Variants in LHX4 observed in about 807,000 individuals in gnomAD.
LHX4 encodes LIM homeobox 4.
LHX4 carries 16 observed loss-of-function variants against 39.2 expected under a neutral mutation model. The ratio of observed to expected loss-of-function variants is 0.41; its 90% CI spans 0.28 to 0.62. The LOEUF (loss-of-function observed/expected upper bound fraction) is 0.62. Among genes scored for constraint, LHX4 ranks in the 20% least tolerant of loss-of-function variants. LHX4 has a pLI of 0.33. For synonymous variants in LHX4, 206 were observed against 198.1 expected (o/e 1.04, Z -0.33); for missense variants, 439 against 511.9 (o/e 0.86, Z 1.37).
intron 3 of LHX4, among the ~76,000 whole-genome samples, chr1:180,267,446 A>G (rs1218440229): frequency 1.3e-5 from 2 of 152,228 alleles, no homozygotes; most frequent in South Asian, 2.1e-4. Context: ...AGCCCAGAAC[A>G]ACACATTCCC....
chr1:180,248,384 A>G lies in LHX4; in HGVS notation c.176A>G (p.Asp59Gly). The change falls in exon 2 of 6, where the codon GAC becomes GGC. Residue 59 changes from aspartate (D) to glycine (G), a missense_variant. Physicochemically the swap from Asp to Gly is moderately conservative, Grantham distance 94. Coordinates refer to ENST00000263726, the MANE Select transcript of LHX4 (RefSeq NM_033343.4). ...HWHSSCLKCA[D>G]CQMQLADRCF... is the part of the protein sequence containing the mutation. ...CACAGCTCCTGCCTCAAGTGTGCAG[A>G]CTGCCAGATGCAGCTGGCGGACAGG... 6.2e-7 allele frequency: 1 copy of G among 1,614,226 alleles called. No individual in the cohort carries two copies. Among genetic ancestry groups the G allele is most frequent in the Non-Finnish European group, 8.5e-7 (1 of 1,180,022 alleles).
rs1375893199 is a variant in LHX4 at position 180,275,233 on chromosome 1, A to G, written c.*654A>G. ...GTTTTGGTTTTTAAGTGTCCCATCT[A>G]TATCATTGACTCTGATGGCAAGAGG... is the stretch of plus-strand genomic sequence containing the variant. On this transcript the variant is annotated 3_prime_UTR_variant, in exon 6 of 6. Transcript: ENST00000263726. 1.3e-5 allele frequency: 2 copies of G among 152,184 alleles called. No individual in the cohort carries two copies. Among genetic ancestry groups the G allele is most frequent in the Non-Finnish European group, 2.9e-5 (2 of 68,052 alleles). 9.4% of individuals were successfully genotyped at this position (152,184 alleles called of 1,614,324 possible). A position where few individuals can be genotyped will look rare whatever the true frequency, so the allele number is the denominator to read the frequency against.
At chr1:180,264,194 C>T (rs1408787191) in intron 2 of LHX4, among the ~76,000 whole-genome samples, 1 of 152,152 alleles carries the variant, frequency 6.6e-6, no homozygotes, top group Admixed American at 6.5e-5. Context: ...TCAAGTGATC[C>T]TCCTGCCTCA....
Position 180,232,588 on chromosome 1 carries a change from T to C in LHX4, c.76+1983T>C, listed in dbSNP as rs1365495774. ...CTAGAGGGGGTGGTCAGTCCTCCCTTTGTCCGAGTTTCGTGACCTTGGTTG... is the reference window on the plus strand; with the variant it reads ...CTAGAGGGGGTGGTCAGTCCTCCCTCTGTCCGAGTTTCGTGACCTTGGTTG... On this transcript the variant is annotated intron_variant, in intron 1 of 5. Coordinates refer to ENST00000263726, the MANE Select transcript of LHX4 (RefSeq NM_033343.4). This position sits in a 1 kb window ranked among gnomAD's most constrained non-coding sequence, Gnocchi z 5.4. 6.6e-6 allele frequency among the ~76,000 whole-genome samples: 1 copy of C among 152,176 alleles called. No individual in the cohort carries two copies. The highest frequency in any genetic ancestry group is 1.5e-5 in the Non-Finnish European group (1 of 68,028).
chr1:180,233,827 C>T (rs1392775641), intron 1 of LHX4, among the ~76,000 whole-genome samples: 2 of 152,020 alleles, frequency 1.3e-5, no homozygotes, highest in Non-Finnish European at 2.9e-5. Context: ...TGTCCCCCTC[C>T]TTGTCTCCTA....
At chr1:180,241,173 G>C (rs1021015449) in intron 1 of LHX4, among the ~76,000 whole-genome samples, 2 of 152,214 alleles carry the variant, frequency 1.3e-5, no homozygotes, top group Admixed American at 1.3e-4. Context: ...GAGAGACCAA[G>C]ATTTGGCAAC....
rs1649071407 is a variant in LHX4, at chr1:180,276,915, C to CTAAT, written c.*2338_*2341dup. The CTAAT allele has an allele frequency of 1.3e-5, 2 of 152,100 alleles. No individual in the cohort carries two copies. Among genetic ancestry groups the CTAAT allele is most frequent in the African/African-American group, 2.4e-5 (1 of 41,394 alleles). The allele number at this position is 152,100 out of a possible 1,614,324, so 9.4% of individuals were successfully genotyped here. A position where few individuals can be genotyped will look rare whatever the true frequency, so the allele number is the denominator to read the frequency against. On this transcript the variant is annotated 3_prime_UTR_variant, in exon 6 of 6. Coordinates refer to ENST00000263726, the MANE Select transcript of LHX4 (RefSeq NM_033343.4). ...GACCAGTTTTTGTAAGTTAATCATACTAATTCCCAGTTCAATAGTGGAAGG... is the reference window on the plus strand; with the variant it reads ...GACCAGTTTTTGTAAGTTAATCATACTAATTAATTCCCAGTTCAATAGTGGAAGG...
intron 1 of LHX4, among the ~76,000 whole-genome samples, chr1:180,246,548 T>TA (rs1647387785): frequency 6.6e-6 from 1 of 152,024 alleles, no homozygotes; most frequent in Non-Finnish European, 1.5e-5. Context: ...CCATCTCTAC[T>TA]AAAAATACAA....
In LHX4 at chr1:180,274,849, C is replaced by T; in HGVS notation, c.*270C>T. On this transcript the variant is annotated 3_prime_UTR_variant, in exon 6 of 6. Transcript: ENST00000263726. ...GGACACTGGCTTGTTGGGTCTCTCC[C>T]CTGCTGTTCTGCTTAGGGGCTTGGC... 2.6e-6 allele frequency: 1 copy of T among 385,656 alleles called. No individual in the cohort carries two copies. The highest frequency in any genetic ancestry group is 4.7e-6 in the Non-Finnish European group (1 of 214,106). 23.9% of individuals were successfully genotyped at this position (385,656 alleles called of 1,614,324 possible).
intron 2 of LHX4, among the ~76,000 whole-genome samples, chr1:180,260,520 A>G (rs1648071675): frequency 6.6e-6 from 1 of 151,788 alleles, no homozygotes; most frequent in African/African-American, 2.4e-5. Flanking sequence ...GCTCAGGTGC[A>G]GAGGCTGGGA....
rs1042822283 is a variant in LHX4 at position 180,230,351 on chromosome 1, C to G, written c.-179C>G. The G allele has an allele frequency of 1.6e-6, 1 of 644,370 alleles. No homozygotes were observed. The highest frequency in any genetic ancestry group is 1.8e-5 in the African/African-American group (1 of 54,992). 39.9% of individuals were successfully genotyped at this position (644,370 alleles called of 1,614,324 possible). On this transcript the variant is annotated 5_prime_UTR_variant, in exon 1 of 6. Coordinates refer to ENST00000263726, the MANE Select transcript of LHX4 (RefSeq NM_033343.4). This position sits in a 1 kb window ranked among gnomAD's most constrained non-coding sequence, Gnocchi z 5.8. ...GGACTGGAAACAGACTGGGGACTGG[C>G]GGGGGGAGGGGGCCGGCCAGCCTGT...
intron 2 of LHX4, among the ~76,000 whole-genome samples, chr1:180,264,795 A>G (rs1399594854): frequency 6.6e-6 from 1 of 152,196 alleles, no homozygotes; most frequent in Non-Finnish European, 1.5e-5. Context: ...GAAAACCAAG[A>G]GGCATTCCAG....
upstream of LHX4, among the ~76,000 whole-genome samples, chr1:180,229,095 G>C (rs1220436747): frequency 1.3e-5 from 2 of 152,208 alleles, no homozygotes; most frequent in Admixed American, 1.3e-4. Context: ...CCAGAAACTC[G>C]CGTTGAGGAG....
intron 1 of LHX4, among the ~76,000 whole-genome samples, chr1:180,244,233 C>T (rs1443525492): frequency 6.6e-6 from 1 of 152,180 alleles, no homozygotes; most frequent in Non-Finnish European, 1.5e-5. Context: ...TTAATCCCCC[C>T]GTCAACATCT....
chr1:180,250,695 G>T (rs12407014), intron 2 of LHX4, among the ~76,000 whole-genome samples: 1 of 151,878 alleles, frequency 6.6e-6, no homozygotes, highest in Non-Finnish European at 1.5e-5. Flanking sequence ...GGCTGCCTTG[G>T]ACCCCCCAGT....
chr1:180,252,276 C>T (rs1224362048), intron 2 of LHX4, among the ~76,000 whole-genome samples: 6 of 152,246 alleles, frequency 3.9e-5, no homozygotes, highest in Admixed American at 2.6e-4. Flanking sequence ...GCAAGCAGTC[C>T]GTGGAACCCC....
intron 2 of LHX4, among the ~76,000 whole-genome samples, chr1:180,264,548 C>T (rs1241714452): frequency 6.6e-6 from 1 of 152,224 alleles, no homozygotes; most frequent in Non-Finnish European, 1.5e-5. Context: ...CTTTGTTCTA[C>T]ATCCTCAGGT....
chr1:180,271,642 C>T, intron 4 of LHX4, 108 bp downstream of exon 4: 7 of 1,459,750 alleles, frequency 4.8e-6, no homozygotes, highest in Non-Finnish European at 6.7e-6. Flanking sequence ...AGGGCTTGAC[C>T]CCAGGGCTTT....
At chr1:180,272,377 A>G (rs1355592976) in intron 5 of LHX4, among the ~76,000 whole-genome samples, 1 of 152,134 alleles carries the variant, frequency 6.6e-6, no homozygotes, top group African/African-American at 2.4e-5. Context: ...TTGCTGGGAC[A>G]CTGGCCTACT....
Sources: allele counts gnomAD v4.1 joint callset (sites outside exome capture counted in the v4.1 genomes callset), GRCh38; gene constraint gnomAD v4.1.1; non-coding constraint Gnocchi (gnomAD v3.1); transcripts MANE v1.5; gene names NCBI Gene and HGNC (gene_info 2026-07-23, HGNC 2026-07-21).